The following ATP6V0A1 variants were observed in gnomAD, a reference collection of about 807,000 sequenced individuals.
ATP6V0A1 encodes the protein ATPase H+ transporting V0 subunit a1.
In ATP6V0A1, 43 loss-of-function variants were observed where a neutral mutation model predicts 105.4. The ratio of observed to expected loss-of-function variants is 0.41; its 90% confidence interval spans 0.32 to 0.53. The LOEUF is 0.53. ATP6V0A1 is among the 20% of genes least tolerant of loss of function. ATP6V0A1 has a pLI of 0.30. For synonymous variants in ATP6V0A1, 362 were observed against 372.8 expected, an observed-to-expected ratio of 0.97 and a Z score of 0.33; for missense variants, 676 against 1,051.1, an observed-to-expected ratio of 0.64 and a Z score of 4.93.
At position 42,467,967 on chromosome 17, in the gene ATP6V0A1, G is replaced by A. The variant is rs752679695; in HGVS notation, c.197-43G>A. 13 of 1,383,996 alleles carry A rather than the reference G, an allele frequency of 9.4e-6. No individual in the cohort carries two copies. In the East Asian group the frequency reaches 1.2e-4, roughly 13 times the overall value. 85.7% of individuals were successfully genotyped at this position (1,383,996 alleles called of 1,614,324 possible). ...TTTCCTTAAATAATGGCAATTACGA[G>A]CATGTGCAGTTAGACATGAATGTTT... On this transcript the variant is annotated intron_variant, in intron 3 of 21. Coordinates refer to ENST00000343619, the MANE Select transcript of ATP6V0A1 (RefSeq NM_001130021.3).
At chr17:42,496,773 T>C (rs138184691) in intron 14 of ATP6V0A1, among the ~76,000 whole-genome samples, 10,917 of 151,222 alleles carry the variant, frequency 0.072, 435 homozygotes, top group East Asian at 0.15. Context: ...GAGGAGGAGG[T>C]TGCAGTGAGC....
chr17:42,516,846 ACT>A (rs1387602001), intron 21 of ATP6V0A1, among the ~76,000 whole-genome samples: 7 of 152,342 alleles, frequency 4.6e-5, no homozygotes, highest in African/African-American at 1.7e-4. Flanking sequence ...GAATTCCAGC[ACT>A]GTCACACCAG....
chr17:42,500,758 C>T lies in ATP6V0A1; in HGVS notation c.1731C>T (p.Ile577=). ...ACTTTGGATTTATTCCTGAAATAAT[C>T]TTCATGACCTCTTTGTTTGGCTATT... ...NIYFGFIPEI[I]FMTSLFGYLV... Residue 577 remains isoleucine, a synonymous_variant, in exon 16 of 22, where the codon ATC becomes ATT. Coordinates refer to ENST00000343619, the MANE Select transcript of ATP6V0A1 (RefSeq NM_001130021.3). The T allele has an allele frequency of 6.2e-7, 1 of 1,613,982 alleles. No individual in the cohort carries two copies. Among genetic ancestry groups the T allele is most frequent in the Non-Finnish European group, 8.5e-7 (1 of 1,179,884 alleles).
At chr17:42,462,273 C>T (rs977489197) in intron 2 of ATP6V0A1, among the ~76,000 whole-genome samples, 1 of 151,738 alleles carries the variant, frequency 6.6e-6, no homozygotes, top group African/African-American at 2.4e-5. Context: ...TATGTTTCTA[C>T]TATCTGCTTA....
At chr17:42,495,417 A>G (rs2091061560) in intron 13 of ATP6V0A1, among the ~76,000 whole-genome samples, 1 of 150,412 alleles carries the variant, frequency 6.6e-6, no homozygotes, top group Non-Finnish European at 1.5e-5. Context: ...CCAGTTCCCT[A>G]CTTGATTGTG....
Position 42,498,984 on chromosome 17 carries a change from G to T in ATP6V0A1, c.1621G>T (p.Val541Phe). ...GAACTCCTTTAAGATGAAGATGTCT[G>T]TTATCCTTGGTATCATCCATATGCT... Reference protein sequence around the residue: ...FLNSFKMKMSVILGIIHMLFG... With the variant: ...FLNSFKMKMSFILGIIHMLFG... Residue 541 changes from valine (V) to phenylalanine (F), a missense_variant, in exon 15 of 22, where the codon GTT becomes TTT. Transcript: ENST00000343619. 1 of 1,613,854 alleles carries T rather than the reference G, an allele frequency of 6.2e-7. No homozygotes were observed. Among genetic ancestry groups the T allele is most frequent in the Non-Finnish European group, 8.5e-7 (1 of 1,179,834 alleles).
intron 11 of ATP6V0A1, among the ~76,000 whole-genome samples, chr17:42,491,631 G>A (rs1231760516): frequency 6.6e-6 from 1 of 152,152 alleles, no homozygotes; most frequent in Non-Finnish European, 1.5e-5. Flanking sequence ...TTATAGGCAT[G>A]TGCCATCACG....
chr17:42,494,607 C>A, intron 12 of ATP6V0A1, 134 bp downstream of exon 12: 1 of 1,127,378 alleles, frequency 8.9e-7, no homozygotes, highest in Middle Eastern at 2.7e-4. Flanking sequence ...TTCATTTTAA[C>A]ACCAAAGACG....
In ATP6V0A1 at chr17:42,490,355, T is replaced by C. The variant is rs9898962; in HGVS notation, c.1024-132T>C. On this transcript the variant is annotated intron_variant, in intron 10 of 21. Transcript: ENST00000343619. ...TAGGTTTATTAGTTTTATTGAGATATAATTTACATGAAAGAAAATACATAC... is the reference window on the plus strand; with the variant it reads ...TAGGTTTATTAGTTTTATTGAGATACAATTTACATGAAAGAAAATACATAC... 2.5e-3 allele frequency: 1,986 copies of C among 793,986 alleles called. 42 individuals carry two copies. In the African/African-American group the frequency reaches 0.032, roughly 13 times the overall value. 49.2% of individuals were successfully genotyped at this position (793,986 alleles called of 1,614,324 possible). A position where few individuals can be genotyped will look rare whatever the true frequency, so the allele number is the denominator to read the frequency against.
At chr17:42,488,340 G>A (rs1244672134) in intron 10 of ATP6V0A1, among the ~76,000 whole-genome samples, 1 of 152,150 alleles carries the variant, frequency 6.6e-6, no homozygotes, top group Non-Finnish European at 1.5e-5. Context: ...CAGGTAGTTT[G>A]GAACTTAATT....
At chr17:42,517,417 C>T (rs1037438579) in intron 21 of ATP6V0A1, among the ~76,000 whole-genome samples, 1 of 152,158 alleles carries the variant, frequency 6.6e-6, no homozygotes, top group African/African-American at 2.4e-5. Context: ...CAGAGGATAC[C>T]ATCAGAATGC....
rs1461060647 is a variant in ATP6V0A1, at chr17:42,499,180, TA to T, written c.1679+140del. The T allele has an allele frequency of 1.1e-5, 8 of 705,494 alleles. No individual in the cohort carries two copies. The African/African-American group carries it at 1.4e-4, about 13-fold the overall frequency. The allele number at this position is 705,494 out of a possible 1,614,324, so 43.7% of individuals were successfully genotyped here. A position where few individuals can be genotyped will look rare whatever the true frequency, so the allele number is the denominator to read the frequency against. ...TTATAGAAGTGCTTTTCTAAAAATT[TA>T]ATGGTGTGGCCAGGCGCGGTGGATC... On this transcript the variant is annotated intron_variant, in intron 15 of 21. Coordinates refer to ENST00000343619, the MANE Select transcript of ATP6V0A1 (RefSeq NM_001130021.3).
intron 2 of ATP6V0A1, among the ~76,000 whole-genome samples, chr17:42,464,824 T>A (rs138467926): frequency 6.6e-6 from 1 of 152,318 alleles, no homozygotes; most frequent in East Asian, 1.9e-4. Flanking sequence ...CTTTGTATTT[T>A]CCCCAGTGCC....
At chr17:42,459,581 G>A (rs2086166730) in intron 1 of ATP6V0A1, among the ~76,000 whole-genome samples, 1 of 152,194 alleles carries the variant, frequency 6.6e-6, no homozygotes, top group Non-Finnish European at 1.5e-5. Flanking sequence ...GAGGCGACTC[G>A]TTGGAGGCTT....
At chr17:42,479,317 T>C (rs1567824097) in intron 7 of ATP6V0A1, among the ~76,000 whole-genome samples, 1 of 152,214 alleles carries the variant, frequency 6.6e-6, no homozygotes, top group Non-Finnish European at 1.5e-5. Flanking sequence ...GTTTGTTTGT[T>C]GGAAGGATTA....
intron 2 of ATP6V0A1, among the ~76,000 whole-genome samples, chr17:42,463,092 G>A (rs915585598): frequency 7.6e-6 from 1 of 130,898 alleles, no homozygotes; most frequent in African/African-American, 2.9e-5. Flanking sequence ...TGCAACCTCC[G>A]TCTCCTGGGT....
intron 21 of ATP6V0A1, among the ~76,000 whole-genome samples, chr17:42,514,760 C>T (rs544297907): frequency 6.6e-6 from 1 of 152,258 alleles, no homozygotes; most frequent in Admixed American, 6.5e-5. Flanking sequence ...CTTAAAGGGG[C>T]TGCTGGGGTC....
rs1431131008 is a variant in ATP6V0A1, at chr17:42,490,576, C to T, written c.1113C>T (p.Thr371=). Residue 371 remains threonine (T), a synonymous_variant, in exon 11 of 22, where the codon ACC becomes ACT. Coordinates refer to ENST00000343619, the MANE Select transcript of ATP6V0A1 (RefSeq NM_001130021.3). ...CCTATAACAAAACCAACAAGTTTACCTATGGCTTTCAGAACATAGTAGATG... is the reference window on the plus strand; with the variant it reads ...CCTATAACAAAACCAACAAGTTTACTTATGGCTTTCAGAACATAGTAGATG... The part of the protein sequence containing the change: ...PPTYNKTNKF[T]YGFQNIVDAY... The T allele has an allele frequency of 6.2e-7, 1 of 1,613,460 alleles. No homozygotes were observed. The highest frequency in any genetic ancestry group is 8.5e-7 in the Non-Finnish European group (1 of 1,179,760).
At chr17:42,462,360 G>A (rs1440674387) in intron 2 of ATP6V0A1, among the ~76,000 whole-genome samples, 1 of 152,056 alleles carries the variant, frequency 6.6e-6, no homozygotes, top group Non-Finnish European at 1.5e-5. Flanking sequence ...CACCCCAGAG[G>A]TAACCCGTAC....
Sources: gnomAD v4.1 joint callset for allele counts (sites outside exome capture counted in the v4.1 genomes callset) on GRCh38, gnomAD v4.1.1 for gene constraint, MANE v1.5 for transcripts, NCBI Gene and HGNC (gene_info 2026-07-23, HGNC 2026-07-21) for gene names.